The following SLC7A7 variants were observed in gnomAD, a reference collection of about 807,000 sequenced individuals.
The protein encoded by SLC7A7 is Y+L amino acid transporter 1.
Under a neutral mutation model 47.9 loss-of-function variants are expected in SLC7A7, and 39 were observed. The observed-to-expected ratio is 0.81, with a 90% confidence interval of 0.63 to 1.06. The LOEUF is 1.06. Among genes scored for constraint, SLC7A7 ranks in the 50% least tolerant of loss-of-function variants. The probability of loss-of-function intolerance (pLI) is 0.00; values close to 1 mark genes in which losing one functional copy is unlikely to be tolerated. For missense variants in SLC7A7, 588 were observed against 632.0 expected (o/e 0.93, Z 0.75); for synonymous variants, 234 against 242.8 (o/e 0.96, Z 0.34).
At chr14:22,817,650 T>C (rs570876826), upstream of SLC7A7, among the ~76,000 whole-genome samples, 3 of 152,306 alleles carry the variant, frequency 2.0e-5, no homozygotes, top group East Asian at 1.9e-4. Context: ...CTAATTTTTG[T>C]ATTTCTAGTA....
intron 4 of SLC7A7, 151 bp from the exon 5 acceptor site, chr14:22,776,469 G>T: frequency 1.0e-6 from 1 of 978,592 alleles, no homozygotes; most frequent in Non-Finnish European, 1.6e-6. Flanking sequence ...ACGGTGCCCT[G>T]GATAGTGGCT....
At chr14:22,782,218 T>C (rs2038731260) in intron 2 of SLC7A7, among the ~76,000 whole-genome samples, 2 of 152,090 alleles carry the variant, frequency 1.3e-5, no homozygotes, top group African/African-American at 4.8e-5. Context: ...TTCTCCTGCC[T>C]CAACCTCCCA....
At chr14:22,799,448 CTTTTT>C (rs56375225) in intron 2 of SLC7A7, among the ~76,000 whole-genome samples, 2 of 76,170 alleles carry the variant, frequency 2.6e-5, no homozygotes, top group African/African-American at 5.2e-5. Flanking sequence ...TTTTTTCTTT[CTTTTT>C]TTTTTTTTTT....
At chr14:22,798,113 T>C (rs1164941628) in intron 2 of SLC7A7, among the ~76,000 whole-genome samples, 3 of 152,032 alleles carry the variant, frequency 2.0e-5, no homozygotes, top group Non-Finnish European at 2.9e-5. Context: ...CTGGCCAACA[T>C]GGTGAAACCC....
chr14:22,805,955 A>T (rs2039194738), intron 2 of SLC7A7, among the ~76,000 whole-genome samples: 2 of 151,826 alleles, frequency 1.3e-5, no homozygotes, highest in South Asian at 4.2e-4. Context: ...ATCCTGGCCA[A>T]CATGGTGAAA....
At chr14:22,783,742 C>T (rs997638142) in intron 2 of SLC7A7, among the ~76,000 whole-genome samples, 1 of 152,026 alleles carries the variant, frequency 6.6e-6, no homozygotes, top group African/African-American at 2.4e-5. Context: ...CATTTGTATC[C>T]CTCTCTTTGT....
intron 2 of SLC7A7, among the ~76,000 whole-genome samples, chr14:22,785,919 G>A (rs191403336): frequency 2.6e-5 from 4 of 151,734 alleles, no homozygotes; most frequent in African/African-American, 7.3e-5. Context: ...ACACTCAGGA[G>A]GCTGAGGCAG....
chr14:22,773,737 T>C (rs1171757608), intron 9 of SLC7A7, 21 bp from the exon 10 acceptor site: 6 of 1,611,966 alleles, frequency 3.7e-6, no homozygotes, highest in Non-Finnish European at 5.1e-6. Context: ...AACTTTGAGT[T>C]GGAATTGAGA....
At chr14:22,779,467 G>C (rs34308809) in intron 3 of SLC7A7, among the ~76,000 whole-genome samples, 476 of 100,562 alleles carry the variant, frequency 4.7e-3, no homozygotes, top group African/African-American at 0.019. Flanking sequence ...TTTTTTTTTT[G>C]GGGGGGGGAC....
In SLC7A7 at chr14:22,815,309, C is replaced by G. The variant is rs1455158611; in HGVS notation, c.-43+11G>C. On this transcript the variant is annotated intron_variant, in intron 1 of 9. Transcript: ENST00000674313. ...AAGTGGAGATGAGAAGAGGGTGGAA[C>G]GCACACTCACTCCTTGGTCCTGGAT... 6 of 451,250 alleles carry G rather than the reference C, an allele frequency of 1.3e-5. No individual in the cohort carries two copies. In the East Asian group the frequency reaches 3.5e-4, roughly 26 times the overall value. 28.0% of individuals were successfully genotyped at this position (451,250 alleles called of 1,614,324 possible).
intron 2 of SLC7A7, among the ~76,000 whole-genome samples, chr14:22,789,179 T>C (rs1226250046): frequency 6.6e-6 from 1 of 152,180 alleles, no homozygotes. Flanking sequence ...CCTTAAGTTA[T>C]CACTTCAGAG....
chr14:22,776,385 T>C, intron 4 of SLC7A7, 67 bp from the exon 5 acceptor site: 1 of 1,599,226 alleles, frequency 6.3e-7, no homozygotes, highest in Non-Finnish European at 8.6e-7. Flanking sequence ...CTTTAATCCT[T>C]AGACTCTCCC....
In SLC7A7 at chr14:22,812,990, T is replaced by C. The variant is rs2039340531; in HGVS notation, c.409A>G (p.Ile137Val). Reference sequence around the variant, plus strand: ...TGTACCATGTAGTTGGCAAAGGTGATGGCAATGATGGCCTGGCTGGTGGGC... The same window carrying C: ...TGTACCATGTAGTTGGCAAAGGTGACGGCAATGATGGCCTGGCTGGTGGGC... ...IEPTSQAIIA[I>V]TFANYMVQPL... The change falls in exon 2 of 10, where the codon ATC becomes GTC. Residue 137 changes from isoleucine (I) to valine (V), a missense_variant. Coordinates refer to ENST00000674313, the MANE Select transcript of SLC7A7 (RefSeq NM_003982.4). The C allele has an allele frequency of 6.2e-7, 1 of 1,613,934 alleles. No homozygotes were observed.
chr14:22,817,505 A>G (rs180939153), upstream of SLC7A7, among the ~76,000 whole-genome samples: 8 of 152,212 alleles, frequency 5.3e-5, no homozygotes, highest in South Asian at 6.2e-4. Flanking sequence ...ACGCCCAGCT[A>G]ATCTTTTTTG....
At chr14:22,787,840 G>A (rs1483997870) in intron 2 of SLC7A7, among the ~76,000 whole-genome samples, 3 of 152,074 alleles carry the variant, frequency 2.0e-5, no homozygotes, top group Non-Finnish European at 4.4e-5. Context: ...TTGGGAGGCC[G>A]AGGCAGGCAG....
chr14:22,773,628 CCGTTGCTTGGG>C lies in SLC7A7; in HGVS notation c.1507_1517del (p.Pro503GlyfsTer5), dbSNP rs777950149. On this transcript the variant is annotated frameshift_variant, in exon 10 of 10. Transcript: ENST00000674313. LOFTEE classifies it high-confidence loss of function. Reference sequence around the variant, plus strand: ...ATGGTGTTTAGTTAGATTTGGGATCCCGTTGCTTGGGCATCTCTCCTCCATCTTCCAAATCC... The same window carrying C: ...ATGGTGTTTAGTTAGATTTGGGATCCCATCTCTCCTCCATCTTCCAAATCC... 2 of 1,613,918 alleles carry C rather than the reference CCGTTGCTTGGG, an allele frequency of 1.2e-6. No individual in the cohort carries two copies. The highest frequency in any genetic ancestry group is 2.7e-5 in the African/African-American group (2 of 74,910).
At chr14:22,778,684 G>T in intron 4 of SLC7A7, 109 bp downstream of exon 4, 2 of 1,195,292 alleles carry the variant, frequency 1.7e-6, no homozygotes, top group Non-Finnish European at 2.4e-6. Context: ...TTAAAATGAG[G>T]CTGGTAAAAT....
intron 2 of SLC7A7, among the ~76,000 whole-genome samples, chr14:22,781,223 C>T (rs2038714020): frequency 6.6e-6 from 1 of 152,160 alleles, no homozygotes; most frequent in Non-Finnish European, 1.5e-5. Flanking sequence ...CTTCAGGCCA[C>T]CAACACAGTC....
intron 4 of SLC7A7, among the ~76,000 whole-genome samples, chr14:22,777,142 T>TAAAA (rs35326556): frequency 1.6e-5 from 1 of 64,134 alleles, no homozygotes; most frequent in Non-Finnish European, 2.8e-5. Flanking sequence ...AGACCCTGTC[T>TAAAA]AAAAAAAAAA....
Sources: allele counts gnomAD v4.1 joint callset (sites outside exome capture counted in the v4.1 genomes callset), GRCh38; gene constraint gnomAD v4.1.1; transcripts MANE v1.5; gene names NCBI Gene and HGNC (gene_info 2026-07-23, HGNC 2026-07-21).